FTCD: variants seen among roughly 807,000 people sequenced by gnomAD.
The protein encoded by FTCD is formimidoyltransferase-cyclodeaminase.
In FTCD, 76 loss-of-function variants were observed where a neutral mutation model predicts 62.9. That is an observed-to-expected ratio of 1.21 (90% CI 1.00 to 1.46). FTCD has a LOEUF of 1.46. Among genes scored for constraint, FTCD ranks in the 40% most tolerant of loss-of-function variants. The pLI is 0.00. For synonymous variants in FTCD, 397 were observed against 336.9 expected, an observed-to-expected ratio of 1.18 and a Z score of -1.95; for missense variants, 845 against 751.3, an observed-to-expected ratio of 1.12 and a Z score of -1.46.
chr21:46,150,228 C>T lies in FTCD; in HGVS notation c.797G>A (p.Gly266Asp). 1 of 1,609,668 alleles carries T rather than the reference C, an allele frequency of 6.2e-7. No individual in the cohort carries two copies. Among genetic ancestry groups the T allele is most frequent in the Non-Finnish European group, 8.5e-7 (1 of 1,178,714 alleles). Reference sequence around the variant, plus strand: ...GGGCACCAGGCCCACCAGCTGTGAGCCCACCACTGGGAGGCTCAGCTCCTG... The same window carrying T: ...GGGCACCAGGCCCACCAGCTGTGAGTCCACCACTGGGAGGCTCAGCTCCTG... ...EAQELSLPVV[G>D]SQLVGLVPLK... The change falls in exon 7 of 14, where the codon GGC becomes GAC. Residue 266 changes from glycine to aspartate, a missense_variant. Coordinates refer to ENST00000397746, the MANE Select transcript of FTCD (RefSeq NM_206965.2).
chr21:46,138,598 C>A lies in FTCD; in HGVS notation c.1353G>T (p.Pro451=). Residue 451 remains proline (P), a synonymous_variant, in exon 12 of 14, where the codon CCG becomes CCT. Coordinates refer to ENST00000397746, the MANE Select transcript of FTCD (RefSeq NM_206965.2). ...AGGCCACCGTCTCCGCCAGCGTCAG[C>A]GGCACAGAGACTGCCCGCCTCAGAC... ...QEGLRRAVSV[P]LTLAETVASL... 1.3e-6 allele frequency: 2 copies of A among 1,590,674 alleles called. No homozygotes were observed. The highest frequency in any genetic ancestry group is 8.5e-7 in the Non-Finnish European group (1 of 1,175,386).
chr21:46,138,751 G>T, intron 11 of FTCD, 105 bp from the exon 12 acceptor site: 1 of 1,462,656 alleles, frequency 6.8e-7, no homozygotes, highest in East Asian at 2.3e-5. Flanking sequence ...CGGGCGATGG[G>T]AAGTCATTCC....
chr21:46,145,468 G>A lies in FTCD; in HGVS notation c.1209C>T (p.Ala403=), dbSNP rs748073334. ...CGGCATCCACCAGCGTGGTTAGCTT[G>A]GCCGAAGCCTCGCGGAAGGGCGGGA... The part of the protein sequence containing the change: ...RLIPPFREAS[A]KLTTLVDADA... The change falls in exon 10 of 14, where the codon GCC becomes GCT. Residue 403 remains alanine, a synonymous_variant. Transcript: ENST00000397746. 7.8e-5 allele frequency: 122 copies of A among 1,559,892 alleles called. 1 individual carries two copies. The East Asian group carries it at 2.9e-3, about 38-fold the overall frequency.
rs774698181 is a variant in FTCD at position 46,150,410 on chromosome 21, T to C, written c.752A>G (p.Glu251Gly). Residue 251 changes from glutamate to glycine, a missense_variant, in exon 6 of 14, where the codon GAG becomes GGG. Physicochemically the swap from Glu to Gly is moderately conservative, Grantham distance 98. Coordinates refer to ENST00000397746, the MANE Select transcript of FTCD (RefSeq NM_206965.2). ...CACCTGTGCTTCTCGGCAGGTCTCC[T>C]CGTAGACCGTGTGCAGTGCCGTGAC... ...FEVTALHTVY[E>G]ETCREAQELS... The C allele has an allele frequency of 3.1e-6, 5 of 1,612,818 alleles. No individual in the cohort carries two copies. Among genetic ancestry groups the C allele is most frequent in the Non-Finnish European group, 4.2e-6 (5 of 1,179,856 alleles).
intron 5 of FTCD, among the ~76,000 whole-genome samples, chr21:46,151,090 C>G (rs73908561): frequency 1.3e-5 from 2 of 152,182 alleles, no homozygotes; most frequent in Admixed American, 6.5e-5. Context: ...TGGTCCCCCC[C>G]GCTTTCTCCG....
At chr21:46,139,003 T>TA in intron 10 of FTCD, 80 bp from the exon 11 acceptor site, 2 of 1,075,910 alleles carry the variant, frequency 1.9e-6, no homozygotes, top group Non-Finnish European at 2.9e-6. Context: ...CAAGGGGCTG[T>TA]AGCAAGGAGC....
chr21:46,151,515 G>A (rs58309404), intron 5 of FTCD, 43 bp downstream of exon 5: 61,195 of 1,558,802 alleles, frequency 0.039, 4,089 homozygotes, highest in East Asian at 0.32. Context: ...ACCCTTTCCC[G>A]AGGGGCTGGG....
In FTCD at chr21:46,152,914, GT is replaced by G; in HGVS notation, c.359del (p.Asp120AlafsTer97). On this transcript the variant is annotated frameshift_variant, in exon 3 of 14. Transcript: ENST00000397746. LOFTEE classifies it high-confidence loss of function. ...GCGGGGGGGCACGCTCACCTGGCAC[GT>G]CCAGCTCCTCTGCCAGCCTCTGGCC... is the stretch of plus-strand genomic sequence containing the variant. ...AFGQRLAEEL[D>X]VPVYLYGEAA... The G allele has an allele frequency of 8.9e-6, 14 of 1,570,720 alleles. No individual in the cohort carries two copies. Among genetic ancestry groups the G allele is most frequent in the Non-Finnish European group, 1.2e-5 (14 of 1,158,320 alleles).
intron 10 of FTCD, among the ~76,000 whole-genome samples, chr21:46,144,001 G>A (rs2123513600): frequency 6.6e-6 from 1 of 152,206 alleles, no homozygotes; most frequent in Admixed American, 6.5e-5. Context: ...CTTAGTAAAA[G>A]TATTAGTCTT....
In FTCD at chr21:46,137,082, C is replaced by T. The variant is rs1319684011; in HGVS notation, c.1540-9G>A. 4 of 1,613,796 alleles carry T rather than the reference C, an allele frequency of 2.5e-6. No homozygotes were observed. Among genetic ancestry groups the T allele is most frequent in the Non-Finnish European group, 3.4e-6 (4 of 1,179,994 alleles). On this transcript the variant is annotated splice_polypyrimidine_tract_variant and intron_variant, in intron 13 of 13. Transcript: ENST00000397746. The stretch of plus-strand genomic sequence containing the variant: ...GAAACACGATGGTGGATCTGATGGA[C>T]ACAGGGAAAGAGGGGTCTGGTAGTT...
chr21:46,136,344 A>G (rs1211649592), downstream of FTCD: 10 of 1,207,776 alleles, frequency 8.3e-6, no homozygotes, highest in African/African-American at 1.3e-4. Context: ...AGGGAGGAAA[A>G]GTCTCCCAGG....
intron 2 of FTCD, among the ~76,000 whole-genome samples, chr21:46,153,930 G>A (rs8133524): frequency 0.053 from 7,997 of 152,104 alleles, 689 homozygotes; most frequent in African/African-American, 0.18. Context: ...CTGTGGGAGC[G>A]TGGCGACCTG....
chr21:46,144,264 G>A (rs1444382320), intron 10 of FTCD, among the ~76,000 whole-genome samples: 1 of 151,014 alleles, frequency 6.6e-6, no homozygotes, highest in African/African-American at 2.4e-5. Context: ...GGGCCCAGCT[G>A]TCTTTTCTTC....
intron 13 of FTCD, 36 bp downstream of exon 13, chr21:46,137,203 C>G (rs772483882): frequency 1.1e-5 from 18 of 1,583,046 alleles, no homozygotes; most frequent in African/African-American, 2.7e-5. Flanking sequence ...CAGGCCCCCA[C>G]GTGGGGTCCG....
intron 10 of FTCD, among the ~76,000 whole-genome samples, chr21:46,143,049 A>G (rs1366187985): frequency 1.3e-5 from 2 of 152,122 alleles, no homozygotes; most frequent in African/African-American, 2.4e-5. Context: ...ACCTCTCCAC[A>G]GGACCAGAAC....
chr21:46,150,751 C>CCCG (rs140135886), intron 5 of FTCD, among the ~76,000 whole-genome samples: 4,131 of 151,974 alleles, frequency 0.027, 186 homozygotes, highest in African/African-American at 0.094. Flanking sequence ...GGAGGCCCAC[C>CCCG]CCGGCAGGCC....
At chr21:46,150,347 G>A (rs528331347) in intron 6 of FTCD, 41 bp downstream of exon 6, 30 of 1,608,744 alleles carry the variant, frequency 1.9e-5, no homozygotes, top group African/African-American at 5.3e-5. Flanking sequence ...GGGACAGATC[G>A]GCTCGCCCCT....
In FTCD at chr21:46,146,256, A is replaced by G; in HGVS notation, c.968+10T>C. ...AGGGGTGAGAAGAGGGCGGGAGGGC[A>G]GAGGCTCACTCGATGATCCGCTCCT... On this transcript the variant is annotated intron_variant, in intron 8 of 13. Transcript: ENST00000397746. 6.3e-7 allele frequency: 1 copy of G among 1,585,018 alleles called. No individual in the cohort carries two copies. Among genetic ancestry groups the G allele is most frequent in the Non-Finnish European group, 8.6e-7 (1 of 1,159,406 alleles).
chr21:46,139,282 G>A (rs1054448210), intron 10 of FTCD, among the ~76,000 whole-genome samples: 3 of 152,174 alleles, frequency 2.0e-5, no homozygotes, highest in African/African-American at 7.2e-5. Flanking sequence ...ACAAGCAGCT[G>A]CACCGCCCCC....
Sources: gnomAD v4.1 joint callset for allele counts (sites outside exome capture counted in the v4.1 genomes callset) on GRCh38, gnomAD v4.1.1 for gene constraint, MANE v1.5 for transcripts, NCBI Gene and HGNC (gene_info 2026-07-23, HGNC 2026-07-21) for gene names.